Variants in CDH19 observed in about 807,000 individuals in gnomAD.
CDH19 encodes the protein cadherin-19.
A neutral mutation model predicts 64.2 loss-of-function variants in CDH19; 67 were observed. The observed-to-expected ratio is 1.04, with a 90% CI of 0.86 to 1.28. The LOEUF (loss-of-function observed/expected upper bound fraction) is 1.28. Ranked by LOEUF, CDH19 falls within the 50% of genes most tolerant of loss-of-function variation. The pLI is 0.00. For synonymous variants in CDH19, 346 were observed against 319.3 expected (o/e 1.08, Z -0.89); for missense variants, 1,030 against 929.0 (o/e 1.11, Z -1.41).
intron 9 of CDH19, among the ~76,000 whole-genome samples, chr18:66,524,570 A>ATATATATATATATATATATAT (rs58897705): frequency 1.3e-5 from 1 of 78,544 alleles, no homozygotes; most frequent in African/African-American, 3.4e-5. Context: ...ATATATATAT[A>ATATATATATATATATATATAT]AACATCATCA....
chr18:66,571,831 C>A (rs752324141), intron 2 of CDH19, among the ~76,000 whole-genome samples, 179 bp downstream of exon 2: 1 of 151,576 alleles, frequency 6.6e-6, no homozygotes, highest in African/African-American at 2.4e-5. Context: ...TATCCCTCTT[C>A]AAGATTTTAG....
At chr18:66,523,683 C>G (rs1986091576) in intron 9 of CDH19, among the ~76,000 whole-genome samples, 2 of 151,886 alleles carry the variant, frequency 1.3e-5, no homozygotes, top group Middle Eastern at 6.8e-3. Context: ...TGCCAAGTGC[C>G]TGTACATTTG....
Position 66,587,347 on chromosome 18 carries a change from C to T in CDH19, c.-112-15031G>A, listed in dbSNP as rs1384927716. Among the ~76,000 whole-genome samples, 7 of 152,156 alleles carry T rather than the reference C, an allele frequency of 4.6e-5. No individual in the cohort carries two copies. The South Asian group carries it at 6.2e-4, about 14-fold the overall frequency. ...GTTACTCCAGACTCAGAAGGAACTG[C>T]GATTGCTATCATGATATTCTTCCTT... On this transcript the variant is annotated intron_variant, in intron 1 of 11. Transcript: ENST00000262150.
intron 8 of CDH19, among the ~76,000 whole-genome samples, chr18:66,533,692 A>G (rs958511220): frequency 2.0e-5 from 3 of 152,076 alleles, no homozygotes; most frequent in Non-Finnish European, 2.9e-5. Context: ...GAAGCTTTCC[A>G]GAAAAGAGAC....
At chr18:66,514,550 T>C (rs1276662755) in intron 9 of CDH19, among the ~76,000 whole-genome samples, 1 of 151,424 alleles carries the variant, frequency 6.6e-6, no homozygotes, top group Non-Finnish European at 1.5e-5. Context: ...AAGGCAAAGA[T>C]ATCATACATT....
chr18:66,535,210 T>C (rs1986613563), intron 7 of CDH19, 103 bp from the exon 8 acceptor site: 1 of 559,200 alleles, frequency 1.8e-6, no homozygotes, highest in African/African-American at 1.9e-5. Flanking sequence ...ATGCATGCTC[T>C]ACATAGCCAA....
At chr18:66,552,320 T>A (rs1421554426) in intron 4 of CDH19, among the ~76,000 whole-genome samples, 1 of 152,092 alleles carries the variant, frequency 6.6e-6, no homozygotes, top group Admixed American at 6.6e-5. Flanking sequence ...ACTATCTCCA[T>A]AGTTTTGTAT....
At chr18:66,522,443 G>T (rs62094758) in intron 9 of CDH19, among the ~76,000 whole-genome samples, 65,696 of 151,494 alleles carry the variant, frequency 0.43, 14,615 homozygotes, top group East Asian at 0.6. Context: ...AGAGACGGGG[G>T]TGCGCCATGT....
In CDH19 at chr18:66,505,564, TATATATA is replaced by T. The variant is rs201050216; in HGVS notation, c.1829-269_1829-263del. ...ATATTTATTAATATATATATTAATATATATATAATATAATATATATAGTGAACTATAT... is the reference window on the plus strand; with the variant it reads ...ATATTTATTAATATATATATTAATATATATAATATATATAGTGAACTATAT... On this transcript the variant is annotated intron_variant, in intron 11 of 11. Transcript: ENST00000262150. Among the ~76,000 whole-genome samples the T allele has an allele frequency of 4.3e-3, 629 of 147,158 alleles. 8 individuals are homozygous for T. Among genetic ancestry groups the T allele is most frequent in the African/African-American group, 0.014 (583 of 40,748 alleles).
intron 3 of CDH19, among the ~76,000 whole-genome samples, chr18:66,559,805 A>G (rs1465255015): frequency 1.3e-5 from 2 of 151,710 alleles, no homozygotes; most frequent in African/African-American, 2.4e-5. Flanking sequence ...TCTGCAAAAC[A>G]ACTAAAGATA....
chr18:66,588,851 A>G (rs1988659908), intron 1 of CDH19, among the ~76,000 whole-genome samples: 1 of 151,790 alleles, frequency 6.6e-6, no homozygotes, highest in African/African-American at 2.4e-5. Context: ...ATACACCACT[A>G]AACTACTGAT....
chr18:66,544,353 G>T, intron 6 of CDH19, 129 bp from the exon 7 acceptor site: 1 of 743,930 alleles, frequency 1.3e-6, no homozygotes, highest in Non-Finnish European at 2.1e-6. Context: ...TTATGTACAT[G>T]GATCTCTCTG....
At position 66,503,670 on chromosome 18, in the gene CDH19, A is replaced by T. The variant is rs1024446783; in HGVS notation, c.*1142T>A. The T allele has an allele frequency of 6.6e-6, 1 of 151,912 alleles. No individual in the cohort carries two copies. The highest frequency in any genetic ancestry group is 1.5e-5 in the Non-Finnish European group (1 of 67,876). 9.4% of individuals were successfully genotyped at this position (151,912 alleles called of 1,614,324 possible). A position where few individuals can be genotyped will look rare whatever the true frequency, so the allele number is the denominator to read the frequency against. ...GTGTTTTGAGTTGCATATGAAAAAA[A>T]ATCTATGACAAACACCTAAATATAT... On this transcript the variant is annotated 3_prime_UTR_variant, in exon 12 of 12. Coordinates refer to ENST00000262150, the MANE Select transcript of CDH19 (RefSeq NM_021153.4).
At position 66,501,736 on chromosome 18, in the gene CDH19, T is replaced by C. The variant is rs566196927; in HGVS notation, c.*3076A>G. The C allele has an allele frequency of 4.6e-5, 7 of 152,284 alleles. No individual in the cohort carries two copies. The South Asian group carries it at 1.2e-3, about 27-fold the overall frequency. 9.4% of individuals were successfully genotyped at this position (152,284 alleles called of 1,614,324 possible). A position where few individuals can be genotyped will look rare whatever the true frequency, so the allele number is the denominator to read the frequency against. ...GTGCTGCTGGTTTTACATATCTTAT[T>C]ATTAATTCTTCATAACAACCATGTG... On this transcript the variant is annotated 3_prime_UTR_variant, in exon 12 of 12. Coordinates refer to ENST00000262150, the MANE Select transcript of CDH19 (RefSeq NM_021153.4).
intron 2 of CDH19, among the ~76,000 whole-genome samples, chr18:66,569,086 G>GA (rs1988017854): frequency 1.3e-5 from 2 of 151,488 alleles, no homozygotes; most frequent in South Asian, 4.1e-4. Flanking sequence ...GAGATAGATA[G>GA]AAAGACAATT....
rs1171249820 is a variant in CDH19, at chr18:66,502,577, T to A, written c.*2235A>T. ...TTTTTAGTTTTCTACTAAGATTACC[T>A]AGCATTCTTTTTAAATAAAGGAAAC... On this transcript the variant is annotated 3_prime_UTR_variant, in exon 12 of 12. Coordinates refer to ENST00000262150, the MANE Select transcript of CDH19 (RefSeq NM_021153.4). 13 of 151,962 alleles carry A rather than the reference T, an allele frequency of 8.6e-5. No homozygotes were observed. The highest frequency in any genetic ancestry group is 1.8e-4 in the Non-Finnish European group (12 of 67,894). 9.4% of individuals were successfully genotyped at this position (151,962 alleles called of 1,614,324 possible). A position where few individuals can be genotyped will look rare whatever the true frequency, so the allele number is the denominator to read the frequency against.
At chr18:66,548,334 T>C (rs1165528407) in intron 5 of CDH19, among the ~76,000 whole-genome samples, 2 of 150,102 alleles carry the variant, frequency 1.3e-5, no homozygotes, top group Middle Eastern at 3.3e-3. Context: ...AAGGGAGAAG[T>C]TCAGTCTGGA....
At chr18:66,601,033 G>T (rs1943318) in intron 1 of CDH19, among the ~76,000 whole-genome samples, 51,139 of 151,584 alleles carry the variant, frequency 0.34, 10,035 homozygotes, top group Non-Finnish European at 0.45. Context: ...GCACTGTCAA[G>T]AAGTATTTGC....
At chr18:66,576,067 G>A (rs1599029345) in intron 1 of CDH19, among the ~76,000 whole-genome samples, 1 of 151,010 alleles carries the variant, frequency 6.6e-6, no homozygotes, top group Non-Finnish European at 1.5e-5. Flanking sequence ...GTTTACTACA[G>A]GCTACAAAAT....
Sources: gnomAD v4.1 joint callset for allele counts (sites outside exome capture counted in the v4.1 genomes callset) on GRCh38, gnomAD v4.1.1 for gene constraint, MANE v1.5 for transcripts, NCBI Gene and HGNC (gene_info 2026-07-23, HGNC 2026-07-21) for gene names.